Variants in SLC15A5 observed in about 807,000 individuals in gnomAD.
The protein encoded by SLC15A5 is Peptide/histidine transporter ENSP00000340402.
In SLC15A5, 58 loss-of-function variants were observed where a neutral mutation model predicts 56.1. That is an observed-to-expected ratio of 1.03 (90% confidence interval 0.84 to 1.29). SLC15A5 has a LOEUF of 1.29. SLC15A5 is among the 50% of genes most tolerant of loss of function. The probability of loss-of-function intolerance (pLI) is 0.00; values close to 1 mark genes in which losing one functional copy is unlikely to be tolerated. For synonymous variants in SLC15A5, 264 were observed against 250.5 expected, an observed-to-expected ratio of 1.05 and a Z score of -0.51; for missense variants, 681 against 672.1, an observed-to-expected ratio of 1.01 and a Z score of -0.15.
At chr12:16,226,111 C>T (rs1470156954) in intron 5 of SLC15A5, among the ~76,000 whole-genome samples, 1 of 152,196 alleles carries the variant, frequency 6.6e-6, no homozygotes, top group Non-Finnish European at 1.5e-5. Flanking sequence ...ATTCCTGCTG[C>T]TCAAGTGTAT....
chr12:16,207,679 T>G (rs1320490555), intron 7 of SLC15A5, among the ~76,000 whole-genome samples: 1 of 151,626 alleles, frequency 6.6e-6, no homozygotes, highest in African/African-American at 2.4e-5. Context: ...GGAGTTTTGC[T>G]CTTGTTACCC....
intron 7 of SLC15A5, among the ~76,000 whole-genome samples, chr12:16,216,477 G>C (rs1365105921): frequency 6.6e-6 from 1 of 151,952 alleles, no homozygotes; most frequent in Non-Finnish European, 1.5e-5. Context: ...AATTTCTCTT[G>C]GATTGCATAG....
intron 7 of SLC15A5, among the ~76,000 whole-genome samples, chr12:16,201,449 T>A (rs3852574): frequency 0.52 from 79,653 of 151,906 alleles, 21,301 homozygotes; most frequent in South Asian, 0.73. Flanking sequence ...GACAACTGAT[T>A]TTTGACAAAG....
chr12:16,260,977 T>G (rs1864638003), intron 2 of SLC15A5, among the ~76,000 whole-genome samples: 1 of 152,164 alleles, frequency 6.6e-6, no homozygotes, highest in South Asian at 2.1e-4. Context: ...ATTTTCTGAC[T>G]CTCAGTTCTG....
chr12:16,250,462 A>C (rs1011012530), intron 3 of SLC15A5, among the ~76,000 whole-genome samples: 8 of 152,012 alleles, frequency 5.3e-5, no homozygotes, highest in Admixed American at 5.3e-4. Context: ...TCATTGCATT[A>C]CTATTGGTAG....
chr12:16,195,632 A>G (rs1863887192), intron 7 of SLC15A5, among the ~76,000 whole-genome samples: 2 of 152,074 alleles, frequency 1.3e-5, no homozygotes, highest in Admixed American at 1.3e-4. Flanking sequence ...GTGTGGGACC[A>G]GAGCAATCAG....
At chr12:16,229,647 T>TACATACAC (rs1864275769) in intron 5 of SLC15A5, among the ~76,000 whole-genome samples, 1 of 144,288 alleles carries the variant, frequency 6.9e-6, no homozygotes, top group Non-Finnish European at 1.5e-5. Flanking sequence ...CACACACACA[T>TACATACAC]ACACACACAC....
At position 16,271,084 on chromosome 12, in the gene SLC15A5, G is replaced by T. The variant is rs183411899; in HGVS notation, c.584+1477C>A. On this transcript the variant is annotated intron_variant, in intron 2 of 8. Coordinates refer to ENST00000344941, the MANE Select transcript of SLC15A5 (RefSeq NM_001170798.1). This position sits in a 1 kb window ranked among gnomAD's most constrained non-coding sequence, Gnocchi z 8.0. ...ATATGTTCATCCTAAATTTGGCCTGGTTCCTTACAGCTGCAGAAATTCATT... is the reference window on the plus strand; with the variant it reads ...ATATGTTCATCCTAAATTTGGCCTGTTTCCTTACAGCTGCAGAAATTCATT... 6.6e-6 allele frequency among the ~76,000 whole-genome samples: 1 copy of T among 152,162 alleles called. No homozygotes were observed.
At chr12:16,260,883 A>T (rs1864637163) in intron 2 of SLC15A5, among the ~76,000 whole-genome samples, 1 of 152,066 alleles carries the variant, frequency 6.6e-6, no homozygotes, top group South Asian at 2.1e-4. Context: ...TTATTACAAT[A>T]CCATTTATTG....
intron 2 of SLC15A5, among the ~76,000 whole-genome samples, chr12:16,259,893 C>G (rs1864623725): frequency 8.5e-6 from 1 of 117,528 alleles, no homozygotes; most frequent in Non-Finnish European, 2.0e-5. Flanking sequence ...CAGCTGACAC[C>G]ACCCGGGCGG....
chr12:16,236,306 G>A (rs1190702507), intron 5 of SLC15A5, among the ~76,000 whole-genome samples: 2 of 152,172 alleles, frequency 1.3e-5, no homozygotes, highest in Non-Finnish European at 2.9e-5. Context: ...CATTAGTTCT[G>A]GATTTGTAGT....
chr12:16,208,399 T>C (rs1565658412), intron 7 of SLC15A5, among the ~76,000 whole-genome samples: 1 of 152,172 alleles, frequency 6.6e-6, no homozygotes, highest in Non-Finnish European at 1.5e-5. Flanking sequence ...GTATTAGGTG[T>C]GGTGGCTTTT....
intron 6 of SLC15A5, 73 bp from the exon 7 acceptor site, chr12:16,217,097 T>C: frequency 7.1e-7 from 1 of 1,415,296 alleles, no homozygotes; most frequent in Non-Finnish European, 9.2e-7. Flanking sequence ...TTCAAATTGA[T>C]GTTGATCATG....
Position 16,239,675 on chromosome 12 carries a change from A to G in SLC15A5, c.1162+6T>C. ...GATTCGCATGAAATGGTTAAATTGT[A>G]CTTACTGATGCATGTTGACAGAAAT... On this transcript the variant is annotated splice_donor_region_variant and intron_variant, in intron 5 of 8. Transcript: ENST00000344941. The G allele has an allele frequency of 6.5e-7, 1 of 1,535,562 alleles. No individual in the cohort carries two copies. Among genetic ancestry groups the G allele is most frequent in the Non-Finnish European group, 8.7e-7 (1 of 1,146,230 alleles).
At chr12:16,265,327 G>C (rs61916976) in intron 2 of SLC15A5, among the ~76,000 whole-genome samples, 26,698 of 152,158 alleles carry the variant, frequency 0.18, 2,642 homozygotes, top group Non-Finnish European at 0.22. Context: ...AGTTGAGCTA[G>C]TCTGCTCACT....
chr12:16,268,885 G>A (rs1864720839), intron 2 of SLC15A5, among the ~76,000 whole-genome samples: 1 of 152,130 alleles, frequency 6.6e-6, no homozygotes, highest in Admixed American at 6.6e-5. Flanking sequence ...GGTATTAGGT[G>A]TTATACCTCC....
intron 7 of SLC15A5, among the ~76,000 whole-genome samples, chr12:16,197,316 G>A (rs972152208): frequency 1.3e-5 from 2 of 151,980 alleles, no homozygotes; most frequent in African/African-American, 4.8e-5. Context: ...GATAGCATGG[G>A]ACAAACACTT....
At chr12:16,273,763 T>TC (rs1360821491) in intron 1 of SLC15A5, among the ~76,000 whole-genome samples, 12 of 149,290 alleles carry the variant, frequency 8.0e-5, no homozygotes, top group African/African-American at 3.0e-4. Context: ...GAAATAGCAT[T>TC]CCCCCCCATC....
intron 6 of SLC15A5, among the ~76,000 whole-genome samples, chr12:16,219,768 C>A (rs1457805053): frequency 6.6e-6 from 1 of 151,650 alleles, no homozygotes. Context: ...TTTTTTTAGG[C>A]TCCGAGATAT....
Sources: allele counts gnomAD v4.1 joint callset (sites outside exome capture counted in the v4.1 genomes callset), GRCh38; gene constraint gnomAD v4.1.1; non-coding constraint Gnocchi (gnomAD v3.1); transcripts MANE v1.5; gene names NCBI Gene and HGNC (gene_info 2026-07-23, HGNC 2026-07-21).